The following IP6K1 variants were observed in gnomAD, a reference collection of about 807,000 sequenced individuals.
The protein encoded by IP6K1 is inositol hexakisphosphate kinase 1.
In IP6K1, 13 loss-of-function variants were observed where a neutral mutation model predicts 38.3. That is an observed-to-expected ratio of 0.34 (90% confidence interval 0.22 to 0.54). The LOEUF is 0.54. IP6K1 is among the 20% of genes least tolerant of loss of function. The pLI, the probability that IP6K1 is intolerant of heterozygous loss-of-function variation, is 0.92. For synonymous variants in IP6K1, 212 were observed against 229.9 expected (o/e 0.92, Z 0.70); for missense variants, 397 against 599.8 (o/e 0.66, Z 3.53).
intron 1 of IP6K1, among the ~76,000 whole-genome samples, chr3:49,772,837 T>C (rs553004600): frequency 9.9e-5 from 15 of 152,082 alleles, no homozygotes; most frequent in African/African-American, 3.6e-4. Flanking sequence ...GCTTTTTTTT[T>C]TTTTTAAAGA....
chr3:49,770,841 T>G (rs62262730), intron 1 of IP6K1, among the ~76,000 whole-genome samples: 21,418 of 152,076 alleles, frequency 0.14, 1,681 homozygotes, highest in Middle Eastern at 0.24. Context: ...GATGGAGTCT[T>G]GATCACACCC....
chr3:49,735,184 A>C (rs2080598109), intron 3 of IP6K1, among the ~76,000 whole-genome samples: 1 of 152,176 alleles, frequency 6.6e-6, no homozygotes, highest in African/African-American at 2.4e-5. Context: ...GTGAGACCCT[A>C]TCTCTACAAA....
At chr3:49,756,031 A>G (rs553289185) in intron 1 of IP6K1, among the ~76,000 whole-genome samples, 1 of 152,290 alleles carries the variant, frequency 6.6e-6, no homozygotes, top group African/African-American at 2.4e-5. Context: ...CCAAGCTACT[A>G]GGGACTGGCA....
intron 1 of IP6K1, among the ~76,000 whole-genome samples, chr3:49,749,456 C>T (rs1307881195): frequency 2.0e-5 from 3 of 152,206 alleles, no homozygotes; most frequent in African/African-American, 7.2e-5. Flanking sequence ...ATGTAGTCAG[C>T]AAGAATACAT....
intron 1 of IP6K1, among the ~76,000 whole-genome samples, chr3:49,768,826 C>T (rs1038944235): frequency 2.0e-5 from 3 of 151,784 alleles, no homozygotes; most frequent in Non-Finnish European, 2.9e-5. Context: ...TTATTAAGAA[C>T]GTACAAGGGG....
At chr3:49,781,524 G>T (rs561859795) in intron 1 of IP6K1, among the ~76,000 whole-genome samples, 13 of 152,266 alleles carry the variant, frequency 8.5e-5, no homozygotes, top group Admixed American at 5.2e-4. Flanking sequence ...TATGGACAAG[G>T]GAAAAGCTGA....
At position 49,738,396 on chromosome 3, in the gene IP6K1, C is replaced by T; in HGVS notation, c.250G>A (p.Asp84Asn). ...KGVVSVCFEGDSDGYINLVAY... is the reference protein window; with the variant it reads ...KGVVSVCFEGNSDGYINLVAY... ...ACTAAGTTGATGTAACCATCACTGT[C>T]CCCCTCAAAACAGACAGATACCACG... Residue 84 changes from aspartate (D) to asparagine (N), a missense_variant, in exon 3 of 6, where the codon GAC becomes AAC. Physicochemically the swap from Asp to Asn is conservative, Grantham distance 23. Around this residue, in one of 3 missense-constraint regions of IP6K1, gnomAD observed 171 missense variants for 237.0 expected, o/e 0.72. Coordinates refer to ENST00000321599, the MANE Select transcript of IP6K1 (RefSeq NM_153273.4). 6.2e-7 allele frequency: 1 copy of T among 1,614,136 alleles called. No homozygotes were observed. Among genetic ancestry groups the T allele is most frequent in the Non-Finnish European group, 8.5e-7 (1 of 1,180,002 alleles).
chr3:49,762,017 T>C (rs2080872488), intron 1 of IP6K1, among the ~76,000 whole-genome samples: 1 of 152,120 alleles, frequency 6.6e-6, no homozygotes, highest in Non-Finnish European at 1.5e-5. Flanking sequence ...CCTGGCACGA[T>C]CTTGGCTCAC....
rs113254136 is a variant in IP6K1 at position 49,740,585 on chromosome 3, A to G, written c.224-2163T>C. 1.3e-3 allele frequency among the ~76,000 whole-genome samples: 196 copies of G among 152,330 alleles called. 1 individual carries two copies. Among genetic ancestry groups the G allele is most frequent in the South Asian group, 3.3e-3 (16 of 4,830 alleles). ...GATTTGCCTATTATGCATATTTCAT[A>G]TAAGTGAAATCATACAATGTTTGTT... On this transcript the variant is annotated intron_variant, in intron 2 of 5. Coordinates refer to ENST00000321599, the MANE Select transcript of IP6K1 (RefSeq NM_153273.4).
intron 1 of IP6K1, among the ~76,000 whole-genome samples, chr3:49,763,841 C>A (rs987654885): frequency 1.3e-5 from 2 of 151,782 alleles, no homozygotes; most frequent in African/African-American, 4.8e-5. Context: ...CATGGTGAAA[C>A]CCCGTCTCTA....
Position 49,727,645 on chromosome 3 carries a change from A to T in IP6K1, c.803T>A (p.Leu268Gln). Residue 268 changes from leucine to glutamine, a missense_variant, in exon 6 of 6, where the codon CTG (leucine) becomes CAG (glutamine). Leu to Gln is a moderately radical substitution (Grantham distance 113, BLOSUM62 -2). Coordinates refer to ENST00000321599, the MANE Select transcript of IP6K1 (RefSeq NM_153273.4). The surrounding 1 kb of genome is among the most constrained non-coding windows in gnomAD (Gnocchi z 5.9). Reference protein sequence around the residue: ...VRVCGMQVYQLDTGHYLCRNK... With the variant: ...VRVCGMQVYQQDTGHYLCRNK... ...CCTGCAGAGGTAATGCCCTGTGTCC[A>T]GCTGGTACACCTGAAACCCCAGGAG... 6.2e-7 allele frequency: 1 copy of T among 1,613,414 alleles called. No homozygotes were observed. Among genetic ancestry groups the T allele is most frequent in the South Asian group, 1.1e-5 (1 of 91,072 alleles).
intron 1 of IP6K1, among the ~76,000 whole-genome samples, chr3:49,752,636 C>T (rs1438726491): frequency 5.3e-5 from 8 of 152,040 alleles, no homozygotes; most frequent in African/African-American, 1.9e-4. Context: ...GATTCTCCTA[C>T]CGTAGAGACG....
At chr3:49,740,550 T>C (rs1217119491) in intron 2 of IP6K1, among the ~76,000 whole-genome samples, 1 of 152,238 alleles carries the variant, frequency 6.6e-6, no homozygotes, top group Non-Finnish European at 1.5e-5. Context: ...ATCTACTTTC[T>C]ATCTCTACAG....
chr3:49,748,117 C>A lies in IP6K1; in HGVS notation c.-77G>T. The A allele has an allele frequency of 6.7e-7, 1 of 1,487,098 alleles. No homozygotes were observed. Among genetic ancestry groups the A allele is most frequent in the Non-Finnish European group, 9.3e-7 (1 of 1,071,810 alleles). 92.1% of individuals were successfully genotyped at this position (1,487,098 alleles called of 1,614,324 possible). On this transcript the variant is annotated 5_prime_UTR_variant, in exon 2 of 6. Coordinates refer to ENST00000321599, the MANE Select transcript of IP6K1 (RefSeq NM_153273.4). Reference sequence around the variant, plus strand: ...ACAAAAGGAGAGCTACATAGAAGGTCCTGGCCAGGTGAAAGCCAATGGTCA... The same window carrying A: ...ACAAAAGGAGAGCTACATAGAAGGTACTGGCCAGGTGAAAGCCAATGGTCA...
At chr3:49,778,461 C>T (rs1399878188) in intron 1 of IP6K1, among the ~76,000 whole-genome samples, 2 of 151,826 alleles carry the variant, frequency 1.3e-5, no homozygotes, top group African/African-American at 4.8e-5. Flanking sequence ...GGTGAAACTT[C>T]GTCTCTACTA....
chr3:49,783,012 C>A (rs147026698), intron 1 of IP6K1, among the ~76,000 whole-genome samples: 1 of 149,964 alleles, frequency 6.7e-6, no homozygotes, highest in East Asian at 2.0e-4. Flanking sequence ...CCCAGCTACT[C>A]GGGAGGCTGA....
chr3:49,741,333 AAACT>A (rs1261366598), intron 2 of IP6K1, among the ~76,000 whole-genome samples: 1 of 152,088 alleles, frequency 6.6e-6, no homozygotes, highest in Non-Finnish European at 1.5e-5. Context: ...TTTTTTCTTT[AAACT>A]ATTATAGCCA....
chr3:49,747,587 G>C (rs2080732396), intron 2 of IP6K1, among the ~76,000 whole-genome samples: 1 of 152,110 alleles, frequency 6.6e-6, no homozygotes, highest in South Asian at 2.1e-4. Context: ...TCCACCAATG[G>C]AACTTAATGC....
intron 1 of IP6K1, among the ~76,000 whole-genome samples, chr3:49,781,822 A>G (rs1381839598): frequency 2.0e-5 from 3 of 152,040 alleles, no homozygotes; most frequent in African/African-American, 7.2e-5. Context: ...GGTGACTCAC[A>G]TTCATAATCC....
Sources: allele counts gnomAD v4.1 joint callset (sites outside exome capture counted in the v4.1 genomes callset), GRCh38; gene constraint gnomAD v4.1.1; regional missense constraint gnomAD v4.1.1; non-coding constraint Gnocchi (gnomAD v3.1); transcripts MANE v1.5; gene names NCBI Gene and HGNC (gene_info 2026-07-23, HGNC 2026-07-21).